Variants in SH3RF3 observed in about 807,000 individuals in gnomAD.
The protein encoded by SH3RF3 is E3 ubiquitin-protein ligase SH3RF3.
SH3RF3 carries 29 observed loss-of-function variants against 66.3 expected under a neutral mutation model. The observed-to-expected ratio is 0.44, with a 90% CI of 0.33 to 0.60. The LOEUF (loss-of-function observed/expected upper bound fraction) is 0.60, where lower values mean the gene tolerates loss of function less well. Among genes scored for constraint, SH3RF3 ranks in the 20% least tolerant of loss-of-function variants. The pLI is 0.04. For synonymous variants in SH3RF3, 583 were observed against 532.0 expected (o/e 1.10, Z -1.32); for missense variants, 1,194 against 1,190.9 (o/e 1.00, Z -0.04).
chr2:109,182,156 A>C (rs575436028), intron 1 of SH3RF3, among the ~76,000 whole-genome samples: 1 of 152,340 alleles, frequency 6.6e-6, no homozygotes, highest in Non-Finnish European at 1.5e-5. Flanking sequence ...AGAATACCAC[A>C]AACTGGATAA....
At chr2:109,370,085 T>C (rs1683233989) in intron 2 of SH3RF3, among the ~76,000 whole-genome samples, 1 of 152,090 alleles carries the variant, frequency 6.6e-6, no homozygotes, top group South Asian at 2.1e-4. Context: ...GGGCGTTCCA[T>C]GATGCACCTG....
At chr2:109,427,104 G>A (rs1397312713) in intron 5 of SH3RF3, among the ~76,000 whole-genome samples, 1 of 152,000 alleles carries the variant, frequency 6.6e-6, no homozygotes, top group Non-Finnish European at 1.5e-5. Context: ...TAGTAGCTGG[G>A]GTTGCAGGTG....
chr2:109,347,301 C>A (rs541307530), intron 1 of SH3RF3, among the ~76,000 whole-genome samples: 270 of 152,294 alleles, frequency 1.8e-3, no homozygotes, highest in Non-Finnish European at 3.1e-3. Context: ...CCTACTGCTC[C>A]TAGGTGTGGG....
At chr2:109,292,914 TA>T (rs1395839285) in intron 1 of SH3RF3, among the ~76,000 whole-genome samples, 1 of 152,152 alleles carries the variant, frequency 6.6e-6, no homozygotes, top group Non-Finnish European at 1.5e-5. Flanking sequence ...GTATTTTTAG[TA>T]GAGACAGGGT....
At chr2:109,466,047 A>G (rs537411352) in intron 8 of SH3RF3, among the ~76,000 whole-genome samples, 4 of 141,474 alleles carry the variant, frequency 2.8e-5, no homozygotes, top group African/African-American at 5.2e-5. Context: ...GCATCTTTTC[A>G]TATGCTTATC....
At chr2:109,430,645 T>G (rs1677182545) in intron 5 of SH3RF3, among the ~76,000 whole-genome samples, 1 of 152,234 alleles carries the variant, frequency 6.6e-6, no homozygotes, top group Admixed American at 6.5e-5. Flanking sequence ...TTTGTCATTT[T>G]CACTGGACTT....
At chr2:109,318,100 C>CAAA (rs3054730) in intron 1 of SH3RF3, among the ~76,000 whole-genome samples, 40,290 of 134,038 alleles carry the variant, frequency 0.3, 6,493 homozygotes, top group African/African-American at 0.47. Flanking sequence ...TTTCAGTACG[C>CAAA]AAAAAAAAAA....
chr2:109,399,651 A>G (rs1008111379), intron 4 of SH3RF3, among the ~76,000 whole-genome samples: 2 of 152,222 alleles, frequency 1.3e-5, no homozygotes, highest in African/African-American at 4.8e-5. Flanking sequence ...ATGATTAAAA[A>G]AATTTTTAAA....
At chr2:109,259,204 T>C (rs540627036) in intron 1 of SH3RF3, among the ~76,000 whole-genome samples, 7 of 152,354 alleles carry the variant, frequency 4.6e-5, no homozygotes, top group East Asian at 1.9e-4. Context: ...TGTAGGCTTC[T>C]CTGGCCTTCA....
chr2:109,325,831 A>G (rs918213504), intron 1 of SH3RF3, among the ~76,000 whole-genome samples: 13 of 152,228 alleles, frequency 8.5e-5, no homozygotes, highest in African/African-American at 2.7e-4. Context: ...TGGCCCGAGC[A>G]GGGACCACAC....
intron 1 of SH3RF3, among the ~76,000 whole-genome samples, chr2:109,284,143 C>T (rs2105349395): frequency 6.6e-6 from 1 of 152,284 alleles, no homozygotes; most frequent in Middle Eastern, 3.4e-3. Context: ...GTACTCAGCC[C>T]AGGGTCTTAC....
At position 109,176,186 on chromosome 2, in the gene SH3RF3, A is replaced by G. The variant is rs564663717; in HGVS notation, c.573+46073A>G. Among the ~76,000 whole-genome samples the G allele has an allele frequency of 3.9e-4, 60 of 152,186 alleles. 1 individual carries two copies. Among genetic ancestry groups the G allele is most frequent in the Admixed American group, 6.5e-4 (10 of 15,280 alleles). On this transcript the variant is annotated intron_variant, in intron 1 of 9. Coordinates refer to ENST00000309415, the MANE Select transcript of SH3RF3 (RefSeq NM_001099289.3). ...AAAGGGTAATAACCAACATACAACC[A>G]GTGGGGGAAAAGCAGACTTGTGCAA...
intron 1 of SH3RF3, among the ~76,000 whole-genome samples, chr2:109,176,161 A>G (rs1206460202): frequency 1.3e-5 from 2 of 152,208 alleles, no homozygotes; most frequent in Non-Finnish European, 2.9e-5. Flanking sequence ...TTGAAAATTC[A>G]AAGGGTAATA....
chr2:109,320,373 TACA>T (rs1176264544), intron 1 of SH3RF3, among the ~76,000 whole-genome samples: 1 of 152,104 alleles, frequency 6.6e-6, no homozygotes, highest in African/African-American at 2.4e-5. Flanking sequence ...GAGCAGCAGG[TACA>T]ACGTTTGATC....
intron 1 of SH3RF3, among the ~76,000 whole-genome samples, chr2:109,222,490 C>T (rs1335646058): frequency 2.1e-5 from 3 of 143,228 alleles, no homozygotes; most frequent in Non-Finnish European, 2.9e-5. Context: ...AAAGTTCCTC[C>T]AAAAAAATAA....
intron 1 of SH3RF3, among the ~76,000 whole-genome samples, chr2:109,156,122 C>T (rs1351739837): frequency 1.3e-5 from 2 of 152,224 alleles, no homozygotes; most frequent in Non-Finnish European, 2.9e-5. Flanking sequence ...TGCTAGCCAT[C>T]CTCCCAATTT....
intron 2 of SH3RF3, among the ~76,000 whole-genome samples, chr2:109,369,718 T>C (rs1683224801): frequency 6.6e-6 from 1 of 152,182 alleles, no homozygotes; most frequent in African/African-American, 2.4e-5. Flanking sequence ...TCCTTCTGTG[T>C]GATCCCACAT....
At chr2:109,338,043 T>C (rs1247459386) in intron 1 of SH3RF3, among the ~76,000 whole-genome samples, 1 of 152,122 alleles carries the variant, frequency 6.6e-6, no homozygotes, top group African/African-American at 2.4e-5. Flanking sequence ...CCTTCTGTTT[T>C]TGATGGAGCT....
intron 4 of SH3RF3, among the ~76,000 whole-genome samples, chr2:109,400,391 T>C (rs1454577559): frequency 6.6e-6 from 1 of 152,056 alleles, no homozygotes; most frequent in Non-Finnish European, 1.5e-5. Context: ...CATATACACA[T>C]GCACGCACAT....
Sources: allele counts gnomAD v4.1 joint callset (sites outside exome capture counted in the v4.1 genomes callset), GRCh38; gene constraint gnomAD v4.1.1; transcripts MANE v1.5; gene names NCBI Gene and HGNC (gene_info 2026-07-23, HGNC 2026-07-21).